The following MGAT4C variants were observed in gnomAD, a reference collection of about 807,000 sequenced individuals.
MGAT4C encodes alpha-1,3-mannosyl-glycoprotein 4-beta-N-acetylglucosaminyltransferase C.
In MGAT4C, 19 loss-of-function variants were observed where a neutral mutation model predicts 40.1. That is an observed-to-expected ratio of 0.47 (90% CI 0.33 to 0.70). The LOEUF is 0.70. MGAT4C is among the 30% of genes least tolerant of loss of function. MGAT4C has a pLI of 0.02. For missense variants in MGAT4C, 491 were observed against 563.2 expected, an observed-to-expected ratio of 0.87 and a Z score of 1.30; for synonymous variants, 181 against 187.1, an observed-to-expected ratio of 0.97 and a Z score of 0.27.
chr12:86,535,873 CA>C (rs1203942803), intron 2 of MGAT4C, among the ~76,000 whole-genome samples: 1 of 151,944 alleles, frequency 6.6e-6, no homozygotes, highest in Non-Finnish European at 1.5e-5. Context: ...AGTTTGAATT[CA>C]AAAGAGATGT....
At chr12:86,282,444 C>T in intron 4 of MGAT4C, among the ~76,000 whole-genome samples, 1 of 151,818 alleles carries the variant, frequency 6.6e-6, no homozygotes, top group East Asian at 1.9e-4. Context: ...TAATAGTTAC[C>T]ATTTTTCTAC....
chr12:86,028,273 T>C (rs1025598286), intron 2 of MGAT4C: 9 of 875,222 alleles, frequency 1.0e-5, no homozygotes, highest in South Asian at 3.0e-5. Flanking sequence ...TCTCTTGCCC[T>C]AGTAATTGAC....
At chr12:86,725,173 A>G (rs1444376118) in intron 2 of MGAT4C, among the ~76,000 whole-genome samples, 3 of 152,218 alleles carry the variant, frequency 2.0e-5, no homozygotes, top group South Asian at 2.1e-4. Flanking sequence ...AAAAGAAAGT[A>G]CTTAAACTGA....
At chr12:86,094,071 T>G (rs539684408) in intron 1 of MGAT4C, among the ~76,000 whole-genome samples, 2 of 152,252 alleles carry the variant, frequency 1.3e-5, no homozygotes, top group South Asian at 2.1e-4. Flanking sequence ...GTGTAAAATA[T>G]GTTCAATGAG....
At chr12:86,381,789 G>A (rs1053865108) in intron 3 of MGAT4C, among the ~76,000 whole-genome samples, 17 of 152,146 alleles carry the variant, frequency 1.1e-4, no homozygotes, top group African/African-American at 4.1e-4. Flanking sequence ...GGGACCTGGT[G>A]GGAGGTAATT....
chr12:86,073,091 C>A (rs192054089), intron 1 of MGAT4C, among the ~76,000 whole-genome samples: 17 of 152,204 alleles, frequency 1.1e-4, no homozygotes, highest in Admixed American at 1.1e-3. Flanking sequence ...TGGTGGGAGA[C>A]AATTGAATCA....
chr12:86,192,804 G>C (rs908602354), intron 1 of MGAT4C, among the ~76,000 whole-genome samples: 1 of 152,138 alleles, frequency 6.6e-6, no homozygotes, highest in Non-Finnish European at 1.5e-5. Context: ...ATGATGGTAA[G>C]TTTGTCTATT....
At chr12:86,140,035 C>G (rs1166712132) in intron 1 of MGAT4C, among the ~76,000 whole-genome samples, 1 of 152,160 alleles carries the variant, frequency 6.6e-6, no homozygotes, top group Non-Finnish European at 1.5e-5. Context: ...TGACCTCTCC[C>G]TCATTTAGTA....
chr12:86,566,341 GA>G (rs1960099949), intron 2 of MGAT4C, among the ~76,000 whole-genome samples: 2 of 151,220 alleles, frequency 1.3e-5, no homozygotes, highest in Non-Finnish European at 2.9e-5. Flanking sequence ...AGCAAAATAT[GA>G]AAAGAGAGAC....
chr12:86,825,292 G>C (rs200822906), intron 1 of MGAT4C, among the ~76,000 whole-genome samples: 1 of 104,118 alleles, frequency 9.6e-6, no homozygotes, highest in South Asian at 3.0e-4. Context: ...CCATAAATGT[G>C]AGTAAGATAA....
At chr12:86,750,760 G>T (rs900649672) in intron 1 of MGAT4C, among the ~76,000 whole-genome samples, 12 of 151,762 alleles carry the variant, frequency 7.9e-5, no homozygotes, top group Non-Finnish European at 1.6e-4. Flanking sequence ...CCTAACCTAG[G>T]GATAAAAGAG....
chr12:86,673,604 A>G (rs999707993), intron 2 of MGAT4C, among the ~76,000 whole-genome samples: 9 of 152,170 alleles, frequency 5.9e-5, no homozygotes, highest in Admixed American at 4.6e-4. Context: ...TTTGCTACTC[A>G]TGTTAGGTGA....
intron 3 of MGAT4C, among the ~76,000 whole-genome samples, chr12:86,410,400 C>T (rs1229541621): frequency 1.3e-5 from 2 of 152,116 alleles, no homozygotes; most frequent in African/African-American, 4.8e-5. Context: ...ATATTCCTTG[C>T]TGGGAAAAGA....
At chr12:86,298,688 T>G (rs555055750) in intron 4 of MGAT4C, among the ~76,000 whole-genome samples, 5 of 152,214 alleles carry the variant, frequency 3.3e-5, no homozygotes, top group African/African-American at 1.2e-4. Context: ...ATTCTTATAT[T>G]AAGTTGGAAA....
At chr12:86,480,732 G>T (rs552433684) in intron 2 of MGAT4C, among the ~76,000 whole-genome samples, 3 of 151,776 alleles carry the variant, frequency 2.0e-5, no homozygotes, top group South Asian at 2.1e-4. Context: ...AACACATATT[G>T]CTGTAACTCT....
intron 2 of MGAT4C, among the ~76,000 whole-genome samples, chr12:86,653,881 A>G (rs1258675783): frequency 6.6e-6 from 1 of 151,934 alleles, no homozygotes; most frequent in African/African-American, 2.4e-5. Context: ...TTTAAAGGAC[A>G]TTTTTCTCAT....
intron 2 of MGAT4C, chr12:86,002,235 A>G (rs2136778553): frequency 6.6e-6 from 1 of 152,264 alleles, no homozygotes; most frequent in Middle Eastern, 3.4e-3. Flanking sequence ...AGGAAAAAAA[A>G]AGGCTGATTG....
At chr12:86,477,188 G>GA (rs1416070492) in intron 2 of MGAT4C, among the ~76,000 whole-genome samples, 2 of 150,658 alleles carry the variant, frequency 1.3e-5, no homozygotes, top group Non-Finnish European at 3.0e-5. Context: ...TTTGTACATT[G>GA]AAAAAAAAGA....
chr12:86,274,374 A>G (rs1472109399), intron 4 of MGAT4C, among the ~76,000 whole-genome samples: 2 of 152,106 alleles, frequency 1.3e-5, no homozygotes, highest in African/African-American at 4.8e-5. Context: ...TATCATCTAA[A>G]TAATTATTTA....
Sources: allele counts gnomAD v4.1 joint callset (sites outside exome capture counted in the v4.1 genomes callset), GRCh38; gene constraint gnomAD v4.1.1; transcripts MANE v1.5; gene names NCBI Gene and HGNC (gene_info 2026-07-23, HGNC 2026-07-21).